The following ATP8B4 variants were observed in gnomAD, a reference collection of about 807,000 sequenced individuals.
The protein encoded by ATP8B4 is ATPase phospholipid transporting 8B4 (putative), also known as probable phospholipid-transporting ATPase IM.
In ATP8B4, 133 loss-of-function variants were observed where a neutral mutation model predicts 145.6. The ratio of observed to expected loss-of-function variants is 0.91; its 90% CI spans 0.79 to 1.05. The LOEUF is 1.05. Among genes scored for constraint, ATP8B4 ranks in the 50% least tolerant of loss-of-function variants. The probability of loss-of-function intolerance (pLI) is 0.00; values close to 1 mark genes in which losing one functional copy is unlikely to be tolerated. For missense variants in ATP8B4, 1,458 were observed against 1,425.2 expected (o/e 1.02, Z -0.37); for synonymous variants, 507 against 492.9 (o/e 1.03, Z -0.38).
At chr15:49,940,135 T>C (rs2042047349) in intron 14 of ATP8B4, among the ~76,000 whole-genome samples, 1 of 152,076 alleles carries the variant, frequency 6.6e-6, no homozygotes, top group Non-Finnish European at 1.5e-5. Flanking sequence ...AGCAAAGACA[T>C]GGAATCAACC....
At chr15:50,163,146 G>A (rs1214374585) in intron 1 of ATP8B4, among the ~76,000 whole-genome samples, 1 of 152,198 alleles carries the variant, frequency 6.6e-6, no homozygotes, top group African/African-American at 2.4e-5. Context: ...TTCATTTGAT[G>A]TGGTCATTTT....
chr15:50,139,858 C>A (rs560997988), intron 1 of ATP8B4, among the ~76,000 whole-genome samples: 2 of 152,284 alleles, frequency 1.3e-5, no homozygotes, highest in African/African-American at 4.8e-5. Context: ...TCCAACTGCA[C>A]AGCAAGATGT....
intron 2 of ATP8B4, among the ~76,000 whole-genome samples, chr15:50,096,880 G>A (rs2056023548): frequency 6.6e-6 from 1 of 152,106 alleles, no homozygotes; most frequent in African/African-American, 2.4e-5. Flanking sequence ...GAACTCATGA[G>A]GAAACAGAAC....
chr15:49,902,718 T>C (rs115784224), intron 20 of ATP8B4, among the ~76,000 whole-genome samples: 21 of 152,322 alleles, frequency 1.4e-4, no homozygotes, highest in African/African-American at 5.1e-4. Context: ...CAGATAACTA[T>C]GTCAGGGAAT....
intron 3 of ATP8B4, among the ~76,000 whole-genome samples, chr15:50,048,631 C>T (rs2051916851): frequency 6.6e-6 from 1 of 151,754 alleles, no homozygotes. Flanking sequence ...TCGCTTGAAC[C>T]CAGGAAGCGG....
At chr15:50,057,760 T>C (rs2052711460) in intron 3 of ATP8B4, among the ~76,000 whole-genome samples, 1 of 152,176 alleles carries the variant, frequency 6.6e-6, no homozygotes, top group African/African-American at 2.4e-5. Flanking sequence ...AATTTAGGGT[T>C]CCAGTGTCTG....
chr15:50,119,603 G>A (rs1320955321), upstream of ATP8B4: 1 of 152,194 alleles, frequency 6.6e-6, no homozygotes, highest in Non-Finnish European at 1.5e-5. Flanking sequence ...GAATTCAGGA[G>A]GATGAAAATG....
Position 49,897,392 on chromosome 15 carries a change from T to C in ATP8B4, c.2597A>G (p.Tyr866Cys), listed in dbSNP as rs1339492657. The C allele has an allele frequency of 6.2e-7, 1 of 1,613,912 alleles. No individual in the cohort carries two copies. The highest frequency in any genetic ancestry group is 1.7e-5 in the Admixed American group (1 of 60,008). ...RLLLVHGRWS[Y>C]FRMCKFLCYF... The stretch of plus-strand genomic sequence containing the variant: ...GCATAAGAATTTGCACATTCGGAAA[T>C]AAGACCACCTTCCATGAACAAGGAG... The change falls in exon 23 of 28, where the codon TAT (tyrosine) becomes TGT (cysteine). Residue 866 changes from tyrosine (Y) to cysteine (C), a missense_variant. Tyr to Cys is a radical substitution (Grantham distance 194, BLOSUM62 -2). Transcript: ENST00000284509.
rs1567331476 is a variant in ATP8B4, at chr15:50,085,970, T to TTTA, written c.29-11786_29-11785insTAA. ...GATATATATCATATATATTTATATA[T>TTTA]GATATATCAAATATATCATATATAT... On this transcript the variant is annotated intron_variant, in intron 2 of 27. Coordinates refer to ENST00000284509, the MANE Select transcript of ATP8B4 (RefSeq NM_024837.4). 2.0e-3 allele frequency among the ~76,000 whole-genome samples: 181 copies of TTTA among 89,230 alleles called. 25 individuals carry two copies. Among genetic ancestry groups the TTTA allele is most frequent in the African/African-American group, 0.011 (176 of 15,664 alleles). 58.5% of individuals were successfully genotyped at this position (89,230 alleles called of 152,430 possible).
At chr15:50,079,773 G>A (rs1006716868) in intron 2 of ATP8B4, among the ~76,000 whole-genome samples, 4 of 152,198 alleles carry the variant, frequency 2.6e-5, no homozygotes, top group Admixed American at 1.3e-4. Flanking sequence ...CATAAGCTAT[G>A]TGTTCGTTGA....
intron 20 of ATP8B4, among the ~76,000 whole-genome samples, chr15:49,913,275 A>G (rs1233350164): frequency 2.0e-5 from 3 of 152,104 alleles, no homozygotes; most frequent in African/African-American, 7.2e-5. Context: ...AAGGACAAAA[A>G]CCATATAGTT....
At chr15:50,142,446 C>G (rs1266722277) in intron 1 of ATP8B4, among the ~76,000 whole-genome samples, 2 of 152,086 alleles carry the variant, frequency 1.3e-5, no homozygotes, top group African/African-American at 2.4e-5. Flanking sequence ...ACGCCCCTTC[C>G]CACTCACCAT....
At chr15:49,984,505 G>C (rs986332014) in intron 10 of ATP8B4, among the ~76,000 whole-genome samples, 1 of 152,150 alleles carries the variant, frequency 6.6e-6, no homozygotes, top group Non-Finnish European at 1.5e-5. Flanking sequence ...AGGGATGAAG[G>C]GAAGGAATGG....
At chr15:49,949,280 T>C (rs2042853447) in intron 14 of ATP8B4, among the ~76,000 whole-genome samples, 1 of 152,260 alleles carries the variant, frequency 6.6e-6, no homozygotes, top group South Asian at 2.1e-4. Flanking sequence ...TTTCATGATA[T>C]TGATTCTTCC....
rs558460442 is a variant in ATP8B4 at position 50,058,049 on chromosome 15, TAAG to T, written c.88-10588_88-10586del. ...CTAGCATATGCCTTCTCCAGAGAGA[TAAG>T]AAGAAGGCATACAAAAGAGCAAAAG... On this transcript the variant is annotated intron_variant, in intron 3 of 27. Coordinates refer to ENST00000284509, the MANE Select transcript of ATP8B4 (RefSeq NM_024837.4). Among the ~76,000 whole-genome samples the T allele has an allele frequency of 2.9e-3, 441 of 152,274 alleles. 2 individuals are homozygous for T. The highest frequency in any genetic ancestry group is 5.0e-3 in the Non-Finnish European group (342 of 68,024).
chr15:49,955,669 T>G (rs1233685996), intron 14 of ATP8B4, among the ~76,000 whole-genome samples: 1 of 152,112 alleles, frequency 6.6e-6, no homozygotes, highest in African/African-American at 2.4e-5. Flanking sequence ...GATAGATACA[T>G]ACAATGGAAT....
At chr15:49,992,828 G>A (rs769992937) in intron 9 of ATP8B4, among the ~76,000 whole-genome samples, 11 of 152,122 alleles carry the variant, frequency 7.2e-5, no homozygotes, top group Admixed American at 4.6e-4. Flanking sequence ...ACAGAACATG[G>A]TAAAGAGTGT....
At chr15:50,135,855 C>T (rs1567401836) in intron 1 of ATP8B4, among the ~76,000 whole-genome samples, 1 of 152,146 alleles carries the variant, frequency 6.6e-6, no homozygotes, top group Non-Finnish European at 1.5e-5. Flanking sequence ...TTCAAAGGGC[C>T]TACAGAAGAA....
Position 50,047,479 on chromosome 15 carries a change from G to T in ATP8B4, c.88-15C>A. ...ATACGATTATCCTGGAAAAGAAATA[G>T]CATCATGTTAGTTTGGGGCAAGGCA... On this transcript the variant is annotated splice_polypyrimidine_tract_variant and intron_variant, in intron 3 of 27. Transcript: ENST00000284509. 1.4e-6 allele frequency: 2 copies of T among 1,454,214 alleles called. No individual in the cohort carries two copies. Among genetic ancestry groups the T allele is most frequent in the Non-Finnish European group, 1.9e-6 (2 of 1,035,236 alleles). 90.1% of individuals were successfully genotyped at this position (1,454,214 alleles called of 1,614,324 possible). A position where few individuals can be genotyped will look rare whatever the true frequency, so the allele number is the denominator to read the frequency against.
Sources: gnomAD v4.1 joint callset for allele counts (sites outside exome capture counted in the v4.1 genomes callset) on GRCh38, gnomAD v4.1.1 for gene constraint, MANE v1.5 for transcripts, NCBI Gene and HGNC (gene_info 2026-07-23, HGNC 2026-07-21) for gene names.